Variants in NFIL3 observed in about 807,000 individuals in gnomAD.
NFIL3 encodes the protein nuclear factor, interleukin 3 regulated.
NFIL3 carries 5 observed loss-of-function variants against 10.0 expected under a neutral mutation model. The ratio of observed to expected loss-of-function variants is 0.50; its 90% CI spans 0.26 to 1.06. The LOEUF is 1.06. Ranked by LOEUF, NFIL3 falls within the 50% of genes least tolerant of loss-of-function variation. NFIL3 has a pLI of 0.13. For synonymous variants in NFIL3, 202 were observed against 206.5 expected (o/e 0.98, Z 0.19); for missense variants, 436 against 547.6 (o/e 0.80, Z 2.03).
the NFIL3 span, among the ~76,000 whole-genome samples, chr9:91,473,643 C>A: frequency 6.6e-6 from 1 of 152,242 alleles, no homozygotes; most frequent in Non-Finnish European, 1.5e-5. Context: ...AAAGGGAATT[C>A]CCCCTGACTC....
At chr9:91,416,138 T>C (rs1246535857) in intron 1 of NFIL3, among the ~76,000 whole-genome samples, 3 of 151,966 alleles carry the variant, frequency 2.0e-5, no homozygotes, top group Non-Finnish European at 4.4e-5. Context: ...GCTGTGGACA[T>C]TGTCACCTAT....
chr9:91,474,173 C>T, the NFIL3 span, among the ~76,000 whole-genome samples: 6 of 151,172 alleles, frequency 4.0e-5, no homozygotes, highest in Non-Finnish European at 7.4e-5. Context: ...TGGATTTTGT[C>T]AATTGCTCTT....
At chr9:91,432,452 C>G in the NFIL3 span, among the ~76,000 whole-genome samples, 1 of 152,174 alleles carries the variant, frequency 6.6e-6, no homozygotes, top group Non-Finnish European at 1.5e-5. Flanking sequence ...GAAACTCAGG[C>G]CCAGCCAATT....
upstream of NFIL3, among the ~76,000 whole-genome samples, chr9:91,424,600 C>T (rs1254970278): frequency 6.6e-6 from 1 of 152,210 alleles, no homozygotes; most frequent in Non-Finnish European, 1.5e-5. Flanking sequence ...GAAAGCTCCA[C>T]GCACAAACAC....
chr9:91,426,480 C>T (rs894972641), upstream of NFIL3: 1 of 152,108 alleles, frequency 6.6e-6, no homozygotes, highest in African/African-American at 2.4e-5. Flanking sequence ...GGGGAGGCTT[C>T]TAGGAAGACA....
At chr9:91,473,674 C>A in the NFIL3 span, among the ~76,000 whole-genome samples, 43,133 of 152,146 alleles carry the variant, frequency 0.28, 7,843 homozygotes, top group African/African-American at 0.53. Context: ...CTGGGTAAGG[C>A]AACGCCCTGC....
the NFIL3 span, among the ~76,000 whole-genome samples, chr9:91,481,808 A>G: frequency 6.6e-6 from 1 of 152,246 alleles, no homozygotes; most frequent in East Asian, 1.9e-4. Context: ...AAATGCTTGA[A>G]AAATAAAAAG....
chr9:91,440,355 T>A, the NFIL3 span, among the ~76,000 whole-genome samples: 1 of 152,010 alleles, frequency 6.6e-6, no homozygotes, highest in African/African-American at 2.4e-5. Flanking sequence ...CCGTGTAATA[T>A]CTTCAATATC....
chr9:91,472,328 C>T, the NFIL3 span, among the ~76,000 whole-genome samples: 2 of 152,218 alleles, frequency 1.3e-5, no homozygotes, highest in Non-Finnish European at 1.5e-5. Flanking sequence ...CTCCCCATCA[C>T]TTTCAGGTAC....
chr9:91,458,137 G>T, the NFIL3 span, among the ~76,000 whole-genome samples: 1 of 151,706 alleles, frequency 6.6e-6, no homozygotes, highest in Non-Finnish European at 1.5e-5. Context: ...TAGTTTTTTT[G>T]AATCAATAAT....
At chr9:91,468,458 T>A in the NFIL3 span, among the ~76,000 whole-genome samples, 1 of 152,202 alleles carries the variant, frequency 6.6e-6, no homozygotes, top group East Asian at 1.9e-4. Context: ...GATGAGTAGA[T>A]TGCAAAAATT....
chr9:91,481,206 A>G, the NFIL3 span, among the ~76,000 whole-genome samples: 1 of 152,224 alleles, frequency 6.6e-6, no homozygotes, highest in Admixed American at 6.5e-5. Context: ...TATAGACCTT[A>G]TTCTTTCATT....
the NFIL3 span, among the ~76,000 whole-genome samples, chr9:91,466,043 T>C: frequency 6.6e-6 from 1 of 151,938 alleles, no homozygotes; most frequent in African/African-American, 2.4e-5. Flanking sequence ...TGTGTAAGCA[T>C]TCTAAAGTCA....
At chr9:91,439,466 A>G in the NFIL3 span, among the ~76,000 whole-genome samples, 1 of 150,390 alleles carries the variant, frequency 6.6e-6, no homozygotes, top group Non-Finnish European at 1.5e-5. Flanking sequence ...CAAAATAGAG[A>G]TACTTTTTCT....
chr9:91,447,820 CA>C, the NFIL3 span, among the ~76,000 whole-genome samples: 1 of 152,132 alleles, frequency 6.6e-6, no homozygotes, highest in Admixed American at 6.5e-5. Flanking sequence ...CTTTGATGCA[CA>C]AAAGTTTTTA....
chr9:91,423,977 T>A (rs1478203352), upstream of NFIL3: 3 of 141,416 alleles, frequency 2.1e-5, no homozygotes, highest in Non-Finnish European at 1.5e-5. Context: ...GGGCGGGCAC[T>A]CCGCGGCCCC....
chr9:91,444,289 T>C, the NFIL3 span, among the ~76,000 whole-genome samples: 3 of 152,338 alleles, frequency 2.0e-5, no homozygotes, highest in South Asian at 6.2e-4. Context: ...AAAAAAATGA[T>C]ATCTATCTCT....
Position 91,410,956 on chromosome 9 carries a change from T to C in NFIL3, c.-172-50A>G. ...ACCAGTTATTCACTGGATAAATGTTTATTACAAATTATGTACAAGGAAATA... is the reference window on the plus strand; with the variant it reads ...ACCAGTTATTCACTGGATAAATGTTCATTACAAATTATGTACAAGGAAATA... On this transcript the variant is annotated intron_variant, in intron 1 of 1. Coordinates refer to ENST00000297689, the MANE Select transcript of NFIL3 (RefSeq NM_005384.3). This position sits in a 1 kb window ranked among gnomAD's most constrained non-coding sequence, Gnocchi z 5.7. The C allele has an allele frequency of 2.0e-6, 1 of 492,980 alleles. No individual in the cohort carries two copies. The highest frequency in any genetic ancestry group is 3.6e-6 in the Non-Finnish European group (1 of 274,470). The allele number at this position is 492,980 out of a possible 1,614,324, so 30.5% of individuals were successfully genotyped here.
At chr9:91,418,118 T>C (rs1435952805) in intron 1 of NFIL3, among the ~76,000 whole-genome samples, 1 of 152,208 alleles carries the variant, frequency 6.6e-6, no homozygotes, top group Non-Finnish European at 1.5e-5. Flanking sequence ...ACAATTAAAT[T>C]ATTCTGAAGC....
Sources: gnomAD v4.1 joint callset for allele counts (sites outside exome capture counted in the v4.1 genomes callset) on GRCh38, gnomAD v4.1.1 for gene constraint, Gnocchi (gnomAD v3.1) non-coding constraint, MANE v1.5 for transcripts, NCBI Gene and HGNC (gene_info 2026-07-23, HGNC 2026-07-21) for gene names.